Variants in GNAQ observed in about 807,000 individuals in gnomAD.
GNAQ encodes the protein guanine nucleotide-binding protein G(q) subunit alpha.
A neutral mutation model predicts 43.9 loss-of-function variants in GNAQ; 8 were observed. That is an observed-to-expected ratio of 0.18 (90% CI 0.11 to 0.33). The LOEUF is 0.33. GNAQ is among the 10% of genes least tolerant of loss of function. The pLI, the probability that GNAQ is intolerant of heterozygous loss-of-function variation, is 1.00. For missense variants in GNAQ, 158 were observed against 450.8 expected (o/e 0.35, Z 5.88); for synonymous variants, 155 against 170.7 (o/e 0.91, Z 0.71).
chr9:77,906,341 A>G (rs1828708054), intron 2 of GNAQ, among the ~76,000 whole-genome samples: 1 of 151,964 alleles, frequency 6.6e-6, no homozygotes, highest in African/African-American at 2.4e-5. Context: ...TAAAACACTA[A>G]TAAAACTGAG....
chr9:77,830,837 CCA>C (rs5898566), intron 2 of GNAQ, among the ~76,000 whole-genome samples: 91,007 of 150,648 alleles, frequency 0.6, 28,235 homozygotes, highest in Admixed American at 0.71. Context: ...AGGTGTTATA[CCA>C]CACACACACA....
chr9:77,825,424 G>A (rs1827178434), intron 2 of GNAQ, among the ~76,000 whole-genome samples: 2 of 152,106 alleles, frequency 1.3e-5, no homozygotes, highest in Non-Finnish European at 2.9e-5. Context: ...TCGTGGACCT[G>A]GCAGCCTACA....
chr9:77,995,595 A>AC (rs1422022785), intron 1 of GNAQ, among the ~76,000 whole-genome samples: 4 of 151,792 alleles, frequency 2.6e-5, no homozygotes, highest in African/African-American at 4.8e-5. Context: ...GACTCAAGTG[A>AC]CCCTTCCACC....
chr9:77,932,045 C>T (rs1829160682), intron 1 of GNAQ, among the ~76,000 whole-genome samples: 1 of 152,132 alleles, frequency 6.6e-6, no homozygotes, highest in South Asian at 2.1e-4. Context: ...CCAAAATTCA[C>T]AAAGAATAAA....
At chr9:77,776,421 A>G (rs889581739) in intron 5 of GNAQ, among the ~76,000 whole-genome samples, 4 of 152,252 alleles carry the variant, frequency 2.6e-5, no homozygotes, top group East Asian at 3.8e-4. Flanking sequence ...AAAGAGAGCT[A>G]GACTAATATC....
chr9:78,026,732 A>C (rs1823984992), intron 1 of GNAQ, among the ~76,000 whole-genome samples: 1 of 152,174 alleles, frequency 6.6e-6, no homozygotes, highest in Non-Finnish European at 1.5e-5. Context: ...GTAGAAATTA[A>C]CTTCCCATAC....
At chr9:77,780,277 C>T (rs1826373416) in intron 5 of GNAQ, among the ~76,000 whole-genome samples, 1 of 151,810 alleles carries the variant, frequency 6.6e-6, no homozygotes, top group African/African-American at 2.4e-5. Flanking sequence ...CTCCCCATAC[C>T]CTTCTCAGCC....
chr9:77,730,589 T>C (rs1252540048), intron 5 of GNAQ, among the ~76,000 whole-genome samples: 1 of 152,238 alleles, frequency 6.6e-6, no homozygotes, highest in Non-Finnish European at 1.5e-5. Flanking sequence ...AACCTGTTAA[T>C]TTTGTGCCAA....
At chr9:77,767,767 C>T (rs1457604338) in intron 5 of GNAQ, among the ~76,000 whole-genome samples, 1 of 152,114 alleles carries the variant, frequency 6.6e-6, no homozygotes, top group East Asian at 1.9e-4. Flanking sequence ...GCACATCCTC[C>T]CCCACCTTTA....
intron 5 of GNAQ, among the ~76,000 whole-genome samples, chr9:77,793,243 C>T (rs1261943382): frequency 6.6e-6 from 1 of 152,002 alleles, no homozygotes; most frequent in Non-Finnish European, 1.5e-5. Context: ...AGGCACTTTG[C>T]TTTAGAGTTA....
intron 5 of GNAQ, among the ~76,000 whole-genome samples, chr9:77,753,283 G>A (rs1011669750): frequency 1.1e-4 from 16 of 151,854 alleles, no homozygotes; most frequent in South Asian, 2.1e-4. Context: ...ATGCGCGTGC[G>A]CACGCGCACA....
At position 77,721,009 on chromosome 9, in the gene GNAQ, G is replaced by A. The variant is rs1825301874; in HGVS notation, c.*314C>T. On this transcript the variant is annotated 3_prime_UTR_variant, in exon 7 of 7. Transcript: ENST00000286548. ...TCCATAGAAAAGAAAAAGAGAGAGA[G>A]ACAGAAAGAAACAAGTCTTATCTTT... 3.7e-6 allele frequency: 1 copy of A among 272,100 alleles called. No individual in the cohort carries two copies. The allele number at this position is 272,100 out of a possible 1,614,324, so 16.9% of individuals were successfully genotyped here. A position where few individuals can be genotyped will look rare whatever the true frequency, so the allele number is the denominator to read the frequency against.
intron 5 of GNAQ, among the ~76,000 whole-genome samples, chr9:77,736,829 TACAGAGGTAGGACTA>T (rs1317993445): frequency 1.3e-5 from 2 of 152,112 alleles, no homozygotes; most frequent in Admixed American, 1.3e-4. Flanking sequence ...TCCTAGAACT[TACAGAGGTAGGACTA>T]ACAGAGATGA....
At chr9:77,830,852 CA>C (rs1827287043) in intron 2 of GNAQ, among the ~76,000 whole-genome samples, 1 of 152,158 alleles carries the variant, frequency 6.6e-6, no homozygotes, top group Non-Finnish European at 1.5e-5. Flanking sequence ...CACACACACA[CA>C]CACACACACA....
chr9:77,929,355 A>C (rs1195259260), intron 1 of GNAQ, among the ~76,000 whole-genome samples: 1 of 152,178 alleles, frequency 6.6e-6, no homozygotes, highest in Non-Finnish European at 1.5e-5. Context: ...GAACCTACCA[A>C]GGTCTCTTAT....
intron 3 of GNAQ, among the ~76,000 whole-genome samples, chr9:77,805,626 G>A (rs7861029): frequency 0.1 from 15,317 of 151,906 alleles, 867 homozygotes; most frequent in South Asian, 0.19. Context: ...GGCTGGTCTC[G>A]AACTCCTGAC....
chr9:78,000,001 G>A (rs1195176438), intron 1 of GNAQ, among the ~76,000 whole-genome samples: 4 of 152,084 alleles, frequency 2.6e-5, no homozygotes, highest in African/African-American at 4.8e-5. Flanking sequence ...AAAATATGAA[G>A]TTAATATGCT....
intron 2 of GNAQ, among the ~76,000 whole-genome samples, chr9:77,904,316 G>GTT (rs1564146679): frequency 1.9e-5 from 2 of 103,256 alleles, no homozygotes; most frequent in African/African-American, 3.8e-5. Flanking sequence ...GTTCACACCG[G>GTT]CTTTTTTTTT....
At chr9:77,842,142 C>T (rs765233982) in intron 2 of GNAQ, among the ~76,000 whole-genome samples, 5 of 152,198 alleles carry the variant, frequency 3.3e-5, no homozygotes, top group Non-Finnish European at 5.9e-5. Flanking sequence ...GACTGTCTTC[C>T]CCTCACAGAG....
Sources: allele counts gnomAD v4.1 joint callset (sites outside exome capture counted in the v4.1 genomes callset), GRCh38; gene constraint gnomAD v4.1.1; transcripts MANE v1.5; gene names NCBI Gene and HGNC (gene_info 2026-07-23, HGNC 2026-07-21).